The following EMC7 variants were observed in gnomAD, a reference collection of about 807,000 sequenced individuals.
EMC7 encodes ER membrane protein complex subunit 7.
EMC7 carries 4 observed loss-of-function variants against 24.4 expected under a neutral mutation model. The ratio of observed to expected loss-of-function variants is 0.16; its 90% confidence interval spans 0.08 to 0.38. EMC7 has a LOEUF of 0.38. EMC7 is among the 10% of genes least tolerant of loss of function. The pLI, the probability that EMC7 is intolerant of heterozygous loss-of-function variation, is 1.00. For synonymous variants in EMC7, 106 were observed against 112.0 expected, an observed-to-expected ratio of 0.95 and a Z score of 0.34; for missense variants, 221 against 300.6, an observed-to-expected ratio of 0.74 and a Z score of 1.96.
chr15:34,096,145 G>A (rs1901061927), intron 1 of EMC7, 131 bp from the exon 2 acceptor site: 2 of 1,048,730 alleles, frequency 1.9e-6, no homozygotes, highest in Admixed American at 2.7e-5. Context: ...ACAAAACCTT[G>A]GCGAAAGTTG....
intron 2 of EMC7, 55 bp downstream of exon 2, chr15:34,095,840 T>A: frequency 3.3e-6 from 5 of 1,528,302 alleles, no homozygotes; most frequent in Non-Finnish European, 4.4e-6. Context: ...AAGGAATATA[T>A]ACTAAGGTAT....
At chr15:34,089,418 A>G (rs1900943029) in intron 3 of EMC7, among the ~76,000 whole-genome samples, 1 of 152,234 alleles carries the variant, frequency 6.6e-6, no homozygotes, top group Admixed American at 6.5e-5. Flanking sequence ...TACTTCATAA[A>G]TGTACATCTA....
rs1900957150 is a variant in EMC7, at chr15:34,090,305, C to T, written c.495+12G>A. ...GTATTAGTAAAGTGCTTTATTTTAG[C>T]CTGATACATACCATTGGGTTCATTA... On this transcript the variant is annotated intron_variant, in intron 3 of 4. Transcript: ENST00000256545. The T allele has an allele frequency of 6.2e-7, 1 of 1,607,120 alleles. No homozygotes were observed. Among genetic ancestry groups the T allele is most frequent in the Admixed American group, 1.7e-5 (1 of 58,352 alleles).
rs1172246842 is a variant in EMC7 at position 34,101,677 on chromosome 15, C to G, written c.163G>C (p.Gly55Arg). The G allele has an allele frequency of 6.2e-7, 1 of 1,613,928 alleles. No individual in the cohort carries two copies. Among genetic ancestry groups the G allele is most frequent in the Admixed American group, 1.7e-5 (1 of 59,994 alleles). Reference sequence around the variant, plus strand: ...GAGATCCAGTCCTGAGGCTTCACCCCTGGAACAACTGCACGCCCCTCAATC... The same window carrying G: ...GAGATCCAGTCCTGAGGCTTCACCCGTGGAACAACTGCACGCCCCTCAATC... ...FKIEGRAVVP[G>R]VKPQDWISAA... Residue 55 changes from glycine to arginine, a missense_variant, in exon 1 of 5, where the codon GGG becomes CGG. By Grantham distance (125) the Gly-to-Arg change is moderately radical (BLOSUM62 -2). Around this residue, in one of 2 missense-constraint regions of EMC7, gnomAD observed 156 missense variants for 177.1 expected, o/e 0.88. Transcript: ENST00000256545.
rs372289953 is a variant in EMC7 at position 34,084,300 on chromosome 15, G to A, written c.*34C>T. The A allele has an allele frequency of 1.6e-5, 25 of 1,596,192 alleles. No individual in the cohort carries two copies. The African/African-American group carries it at 2.0e-4, about 13-fold the overall frequency. On this transcript the variant is annotated 3_prime_UTR_variant, in exon 5 of 5. Coordinates refer to ENST00000256545, the MANE Select transcript of EMC7 (RefSeq NM_020154.3). ...GACTTGGATGCCACCCAGTGTTGCCGTGTTTGTGCAAATGCCAGCTCTGGA... is the reference window on the plus strand; with the variant it reads ...GACTTGGATGCCACCCAGTGTTGCCATGTTTGTGCAAATGCCAGCTCTGGA...
At chr15:34,092,081 C>T (rs1333348493) in intron 2 of EMC7, among the ~76,000 whole-genome samples, 2 of 152,048 alleles carry the variant, frequency 1.3e-5, no homozygotes, top group Non-Finnish European at 2.9e-5. Flanking sequence ...GCCTGGCCAA[C>T]ATGGTAAAAC....
rs1901179153 is a variant in EMC7, at chr15:34,101,807, G to A, written c.33C>T (p.Val11=). ...CCCCCGATAGCAGCAGCAGCAGCAG[G>A]ACGGGAAAGAAGCCCCACAGAGCGG... MAAALWGFFP[V]LLLLLLSGDV... is the part of the protein sequence containing the mutation. The change falls in exon 1 of 5, where the codon GTC becomes GTT. Residue 11 remains valine (V), a synonymous_variant. Transcript: ENST00000256545. The A allele has an allele frequency of 6.2e-7, 1 of 1,611,196 alleles. No individual in the cohort carries two copies. Among genetic ancestry groups the A allele is most frequent in the Non-Finnish European group, 8.5e-7 (1 of 1,179,740 alleles).
In EMC7 at chr15:34,090,420, A is replaced by G. The variant is rs373701824; in HGVS notation, c.392T>C (p.Val131Ala). 2 of 1,613,832 alleles carry G rather than the reference A, an allele frequency of 1.2e-6. No individual in the cohort carries two copies. The highest frequency in any genetic ancestry group is 2.7e-5 in the African/African-American group (2 of 75,036). The change falls in exon 3 of 5, where the codon GTT (valine) becomes GCT (alanine). Residue 131 changes from valine (V) to alanine (A), a missense_variant. Val to Ala is a moderately conservative substitution (Grantham distance 64). This residue lies in a region of EMC7 where 156 missense variants were observed against 177.1 expected (regional missense o/e 0.88). Coordinates refer to ENST00000256545, the MANE Select transcript of EMC7 (RefSeq NM_020154.3). ...RYVNYIKTSE[V>A]VRLPYPLQMK... is the part of the protein sequence containing the mutation. The stretch of plus-strand genomic sequence containing the variant: ...TTGGAGAGGATAGGGCAGTCTGACA[A>G]CCTCTGATGTTTTGATGTAATTCAC...
At chr15:34,088,175 T>C in intron 3 of EMC7, 42 bp from the exon 4 acceptor site, 2 of 1,540,120 alleles carry the variant, frequency 1.3e-6, no homozygotes, top group South Asian at 1.2e-5. Context: ...TCCCCCACTT[T>C]ACAGTTAATA....
intron 4 of EMC7, chr15:34,086,287 G>A: frequency 7.2e-6 from 2 of 278,194 alleles, no homozygotes; most frequent in South Asian, 4.2e-5. Context: ...ATGATCTTGG[G>A]CTTCACAAAG....
At chr15:34,090,219 T>C in intron 3 of EMC7, 98 bp downstream of exon 3, 1 of 1,259,098 alleles carries the variant, frequency 7.9e-7, no homozygotes, top group Non-Finnish European at 1.1e-6. Context: ...CATCCACCAA[T>C]CTGACCTCAG....
intron 2 of EMC7, among the ~76,000 whole-genome samples, chr15:34,094,750 T>C (rs901116121): frequency 2.6e-5 from 4 of 152,012 alleles, no homozygotes; most frequent in African/African-American, 7.2e-5. Flanking sequence ...TTAGTATACA[T>C]GCTAAAAGAA....
At chr15:34,088,534 CT>C (rs1160615714) in intron 3 of EMC7, among the ~76,000 whole-genome samples, 1 of 146,874 alleles carries the variant, frequency 6.8e-6, no homozygotes, top group East Asian at 2.0e-4. Flanking sequence ...GCTAACTGCT[CT>C]TTTCAGGTGA....
At chr15:34,086,022 T>C in intron 4 of EMC7, 1 of 291,002 alleles carries the variant, frequency 3.4e-6, no homozygotes, top group South Asian at 3.7e-5. Flanking sequence ...GTGAGTAATC[T>C]CAGCACGGTA....
At position 34,101,675 on chromosome 15, in the gene EMC7, C is replaced by T. The variant is rs751035105; in HGVS notation, c.165G>A (p.Gly55=). The change falls in exon 1 of 5, where the codon GGG becomes GGA. Residue 55 remains glycine, a synonymous_variant. Transcript: ENST00000256545. ...CCGAGATCCAGTCCTGAGGCTTCAC[C>T]CCTGGAACAACTGCACGCCCCTCAA... ...FKIEGRAVVP[G]VKPQDWISAA... is the part of the protein sequence containing the mutation. The T allele has an allele frequency of 1.9e-6, 3 of 1,613,886 alleles. No homozygotes were observed. Among genetic ancestry groups the T allele is most frequent in the East Asian group, 2.2e-5 (1 of 44,878 alleles).
intron 1 of EMC7, among the ~76,000 whole-genome samples, chr15:34,096,973 A>G (rs1901079683): frequency 7.0e-6 from 1 of 142,400 alleles, no homozygotes; most frequent in South Asian, 2.2e-4. Flanking sequence ...CTCCATCTCC[A>G]ACAAAAAAAA....
intron 3 of EMC7, 133 bp from the exon 4 acceptor site, chr15:34,088,266 C>T (rs1030893020): frequency 2.1e-5 from 15 of 701,328 alleles, no homozygotes; most frequent in Non-Finnish European, 3.1e-5. Flanking sequence ...TAGCAACCAC[C>T]GCAATTCTAC....
chr15:34,089,089 C>T (rs1189231348), intron 3 of EMC7, among the ~76,000 whole-genome samples: 1 of 152,288 alleles, frequency 6.6e-6, no homozygotes, highest in South Asian at 2.1e-4. Context: ...AACTCCTGAC[C>T]TTGTGATCCG....
chr15:34,093,026 A>C (rs1264888732), intron 2 of EMC7, among the ~76,000 whole-genome samples: 1 of 152,248 alleles, frequency 6.6e-6, no homozygotes, highest in African/African-American at 2.4e-5. Flanking sequence ...TAAGAAACTT[A>C]TTTAATTCAT....
Sources: allele counts gnomAD v4.1 joint callset (sites outside exome capture counted in the v4.1 genomes callset), GRCh38; gene constraint gnomAD v4.1.1; regional missense constraint gnomAD v4.1.1; transcripts MANE v1.5; gene names NCBI Gene and HGNC (gene_info 2026-07-23, HGNC 2026-07-21).